Variants in BMPR2 observed in about 807,000 individuals in gnomAD.
The protein encoded by BMPR2 is bone morphogenetic protein receptor type 2.
A neutral mutation model predicts 100.8 loss-of-function variants in BMPR2; 29 were observed. The observed-to-expected ratio is 0.29, with a 90% CI of 0.21 to 0.39. The LOEUF (loss-of-function observed/expected upper bound fraction) is 0.39. BMPR2 is among the 10% of genes least tolerant of loss of function. The pLI is 1.00. For synonymous variants in BMPR2, 382 were observed against 442.3 expected (o/e 0.86, Z 1.71); for missense variants, 1,011 against 1,274.5 (o/e 0.79, Z 3.15).
chr2:202,403,731 G>T (rs1310055194), intron 1 of BMPR2, among the ~76,000 whole-genome samples: 2 of 152,098 alleles, frequency 1.3e-5, no homozygotes, highest in South Asian at 2.1e-4. Context: ...ATATTGCAGG[G>T]CGTGGTGGCT....
intron 8 of BMPR2, 114 bp downstream of exon 8, chr2:202,531,068 C>A: frequency 7.8e-7 from 1 of 1,286,420 alleles, no homozygotes; most frequent in East Asian, 2.5e-5. Context: ...TTTGGTAGGC[C>A]CAGGTGGGTG....
At chr2:202,457,480 A>G (rs1692136386) in intron 1 of BMPR2, among the ~76,000 whole-genome samples, 1 of 150,692 alleles carries the variant, frequency 6.6e-6, no homozygotes, top group South Asian at 2.1e-4. Flanking sequence ...CAGAAAAATG[A>G]CATAAAGATC....
At chr2:202,409,545 T>TATTAATTAAATAGTAA (rs1690970448) in intron 1 of BMPR2, among the ~76,000 whole-genome samples, 1 of 152,122 alleles carries the variant, frequency 6.6e-6, no homozygotes, top group South Asian at 2.1e-4. Context: ...AGTAAGACTC[T>TATTAATTAAATAGTAA]GTCTCTATTA....
chr2:202,414,630 A>G (rs1436142275), intron 1 of BMPR2, among the ~76,000 whole-genome samples: 1 of 152,216 alleles, frequency 6.6e-6, no homozygotes, highest in East Asian at 1.9e-4. Context: ...AGAAAATTAA[A>G]CAGCTTTATT....
At chr2:202,474,917 CTTGT>C (rs781088031) in intron 3 of BMPR2, 10 of 151,896 alleles carry the variant, frequency 6.6e-5, no homozygotes, top group Non-Finnish European at 1.0e-4. Context: ...CAATAACCTG[CTTGT>C]TTATTTGGAA....
chr2:202,515,049 C>A, intron 5 of BMPR2, 70 bp downstream of exon 5: 1 of 1,392,210 alleles, frequency 7.2e-7, no homozygotes, highest in Non-Finnish European at 1.0e-6. Context: ...TGACTTCATT[C>A]AATCATTAAG....
intron 3 of BMPR2, among the ~76,000 whole-genome samples, chr2:202,488,378 T>C (rs1034681209): frequency 1.3e-5 from 2 of 152,192 alleles, no homozygotes; most frequent in Admixed American, 6.5e-5. Flanking sequence ...ATTTTAAAAA[T>C]AAAACATCTT....
chr2:202,392,849 G>A (rs546431540), intron 1 of BMPR2, among the ~76,000 whole-genome samples: 56 of 152,138 alleles, frequency 3.7e-4, no homozygotes, highest in African/African-American at 1.3e-3. Context: ...AAAATTAGCC[G>A]GGCGTGGTGG....
At chr2:202,465,264 C>G (rs752186152) in intron 2 of BMPR2, among the ~76,000 whole-genome samples, 4 of 151,884 alleles carry the variant, frequency 2.6e-5, no homozygotes, top group Non-Finnish European at 2.9e-5. Context: ...TGGTGTGCGC[C>G]TGTGGTCCCA....
At chr2:202,510,364 C>T (rs1346122216) in intron 3 of BMPR2, among the ~76,000 whole-genome samples, 1 of 152,162 alleles carries the variant, frequency 6.6e-6, no homozygotes, top group Non-Finnish European at 1.5e-5. Context: ...TTGCAGTGAG[C>T]TGAGATCGTA....
At chr2:202,435,152 G>A (rs958128680) in intron 1 of BMPR2, among the ~76,000 whole-genome samples, 1 of 144,898 alleles carries the variant, frequency 6.9e-6, no homozygotes, top group Non-Finnish European at 1.5e-5. Context: ...CTGAGGTCAG[G>A]AGTTTGAGAT....
rs750928064 is a variant in BMPR2 at position 202,567,572 on chromosome 2, A to G, written c.*7626A>G. On this transcript the variant is annotated 3_prime_UTR_variant, in exon 13 of 13. Coordinates refer to ENST00000374580, the MANE Select transcript of BMPR2 (RefSeq NM_001204.7). Reference sequence around the variant, plus strand: ...CTATGAAAGCTGACATTAAGCCACTAAAGAGTTTTCTATGAATAAGTGTAA... The same window carrying G: ...CTATGAAAGCTGACATTAAGCCACTGAAGAGTTTTCTATGAATAAGTGTAA... 1.3e-5 allele frequency: 2 copies of G among 152,630 alleles called. No individual in the cohort carries two copies. Among genetic ancestry groups the G allele is most frequent in the South Asian group, 2.1e-4 (1 of 4,822 alleles). 9.5% of individuals were successfully genotyped at this position (152,630 alleles called of 1,614,324 possible).
chr2:202,542,429 C>T lies in BMPR2; in HGVS notation c.1395C>T (p.Ala465=). ...AACAGAGACCCAAGTTCCCAGAAGC[C>T]TGGAAAGAAAATAGCCTGGTAAGAA... is the stretch of plus-strand genomic sequence containing the variant. ...REKQRPKFPE[A]WKENSLAVRS... Residue 465 remains alanine, a synonymous_variant, in exon 10 of 13, where the codon GCC becomes GCT. Coordinates refer to ENST00000374580, the MANE Select transcript of BMPR2 (RefSeq NM_001204.7). 2.5e-6 allele frequency: 4 copies of T among 1,613,884 alleles called. No homozygotes were observed. Among genetic ancestry groups the T allele is most frequent in the Non-Finnish European group, 8.5e-7 (1 of 1,179,946 alleles).
chr2:202,527,422 A>AG (rs2106014998), intron 7 of BMPR2, among the ~76,000 whole-genome samples: 2 of 151,362 alleles, frequency 1.3e-5, no homozygotes, highest in African/African-American at 4.9e-5. Context: ...TGGGAGGCAG[A>AG]GGTTGCAGTG....
Position 202,439,732 on chromosome 2 carries a change from GTTTTTCT to G in BMPR2, c.77-25057_77-25051del, listed in dbSNP as rs1417462600. Among the ~76,000 whole-genome samples the G allele has an allele frequency of 8.9e-5, 13 of 146,290 alleles. 1 individual carries two copies. Among genetic ancestry groups the G allele is most frequent in the Non-Finnish European group, 1.5e-4 (10 of 67,288 alleles). ...CCATTAAGTATGCTGTTAGTTGTGG[GTTTTTCT>G]TTTTTCTTTTTTCTTTTTTTTTAGT... On this transcript the variant is annotated intron_variant, in intron 1 of 12. Transcript: ENST00000374580.
At chr2:202,399,985 C>T (rs1690737088) in intron 1 of BMPR2, among the ~76,000 whole-genome samples, 1 of 152,234 alleles carries the variant, frequency 6.6e-6, no homozygotes, top group Admixed American at 6.6e-5. Context: ...ATGGCACTCA[C>T]CTGTATTCAC....
intron 1 of BMPR2, among the ~76,000 whole-genome samples, chr2:202,462,630 CTTT>C (rs71952440): frequency 1.4e-5 from 2 of 142,924 alleles, no homozygotes; most frequent in Non-Finnish European, 3.1e-5. Flanking sequence ...CACCCCGTAC[CTTT>C]TTTTTTTTTT....
At chr2:202,502,210 T>C (rs1256143016) in intron 3 of BMPR2, among the ~76,000 whole-genome samples, 2 of 152,232 alleles carry the variant, frequency 1.3e-5, no homozygotes, top group Non-Finnish European at 2.9e-5. Flanking sequence ...GAACCCCTAT[T>C]AAATACCACA....
At chr2:202,483,991 A>G (rs1266061370) in intron 3 of BMPR2, among the ~76,000 whole-genome samples, 1 of 152,152 alleles carries the variant, frequency 6.6e-6, no homozygotes, top group Non-Finnish European at 1.5e-5. Flanking sequence ...CTACTCCAGA[A>G]GCTGAGGCAG....
Sources: allele counts gnomAD v4.1 joint callset (sites outside exome capture counted in the v4.1 genomes callset), GRCh38; gene constraint gnomAD v4.1.1; transcripts MANE v1.5; gene names NCBI Gene and HGNC (gene_info 2026-07-23, HGNC 2026-07-21).